PDE4C: variants seen among roughly 807,000 people sequenced by gnomAD.
PDE4C encodes phosphodiesterase 4C, also known as 3',5'-cyclic-AMP phosphodiesterase 4C.
In PDE4C, 50 loss-of-function variants were observed where a neutral mutation model predicts 63.9. The ratio of observed to expected loss-of-function variants is 0.78; its 90% CI spans 0.62 to 0.99. The LOEUF is 0.99. Ranked by LOEUF, PDE4C falls within the 50% of genes least tolerant of loss-of-function variation. PDE4C has a pLI of 0.00. For missense variants in PDE4C, 777 were observed against 899.1 expected (o/e 0.86, Z 1.74); for synonymous variants, 377 against 385.1 (o/e 0.98, Z 0.25).
exon 15 of PDE4C, chr19:18,210,631 G>T (rs1310729004): frequency 2.0e-5 from 6 of 300,372 alleles, no homozygotes; most frequent in Non-Finnish European, 3.1e-5. Context: ...TGGACTAGAG[G>T]CTCCAGCAGA....
At chr19:18,251,326 A>G (rs528612444), upstream of PDE4C, among the ~76,000 whole-genome samples, 8 of 151,074 alleles carry the variant, frequency 5.3e-5, no homozygotes, top group South Asian at 1.5e-3. Flanking sequence ...GGGTTTCACC[A>G]TGTTGGCCAG....
chr19:18,213,237 T>C, intron 13 of PDE4C, 131 bp downstream of exon 13: 1 of 695,930 alleles, frequency 1.4e-6, no homozygotes, highest in African/African-American at 1.9e-5. Flanking sequence ...TGAGCCAAGA[T>C]GGCGCCACTG....
chr19:18,237,525 T>C (rs1417982397), upstream of PDE4C, among the ~76,000 whole-genome samples: 2 of 151,672 alleles, frequency 1.3e-5, no homozygotes, highest in Non-Finnish European at 2.9e-5. Context: ...CACTCCAGCC[T>C]GGGCAACAAG....
chr19:18,220,793 G>A lies in PDE4C; in HGVS notation c.499+81C>T. 7.3e-7 allele frequency: 1 copy of A among 1,366,348 alleles called. No individual in the cohort carries two copies. Among genetic ancestry groups the A allele is most frequent in the Non-Finnish European group, 1.0e-6 (1 of 969,940 alleles). 84.6% of individuals were successfully genotyped at this position (1,366,348 alleles called of 1,614,324 possible). A position where few individuals can be genotyped will look rare whatever the true frequency, so the allele number is the denominator to read the frequency against. The stretch of plus-strand genomic sequence containing the variant: ...GGCTACAATTAGCCCCAGTATAAGG[G>A]GCTCATGGACTGGGGAGGTCACTAT... On this transcript the variant is annotated intron_variant, in intron 5 of 14. Coordinates refer to ENST00000262805, the Ensembl canonical transcript of PDE4C. The surrounding 1 kb of genome is among the most constrained non-coding windows in gnomAD (Gnocchi z 5.1).
At chr19:18,210,734 A>T in exon 15 of PDE4C, 1 of 867,190 alleles carries the variant, frequency 1.2e-6, no homozygotes, top group Non-Finnish European at 1.6e-6. Context: ...AGGCAAGTCT[A>T]GGGTCAGAGT....
upstream of PDE4C, among the ~76,000 whole-genome samples, chr19:18,248,796 G>A (rs1158426438): frequency 6.6e-5 from 10 of 151,048 alleles, no homozygotes; most frequent in Non-Finnish European, 1.5e-5. Flanking sequence ...AGGCGGAGGC[G>A]GGTGGATCAC....
At chr19:18,226,249 A>G in intron 1 of PDE4C, 21 bp downstream of exon 1, 2 of 1,544,826 alleles carry the variant, frequency 1.3e-6, no homozygotes, top group Non-Finnish European at 1.7e-6. Flanking sequence ...TGACCCCGCC[A>G]GGCCCTCTGT....
At position 18,220,010 on chromosome 19, in the gene PDE4C, G is replaced by A. The variant is rs1001307378; in HGVS notation, c.706+216C>T. ...TCTGGTTCCCTCCATCTCCTCCTAG[G>A]CAAATTTCTACTCATGCTTCAAAAC... On this transcript the variant is annotated intron_variant, in intron 7 of 14. Transcript: ENST00000262805. The surrounding 1 kb of genome is among the most constrained non-coding windows in gnomAD (Gnocchi z 5.1). Among the ~76,000 whole-genome samples the A allele has an allele frequency of 6.6e-6, 1 of 151,916 alleles. No homozygotes were observed. Among genetic ancestry groups the A allele is most frequent in the African/African-American group, 2.4e-5 (1 of 41,336 alleles).
chr19:18,221,056 ACCTTGTCTCT>A, intron 4 of PDE4C, 39 bp downstream of exon 4: 2 of 740,048 alleles, frequency 2.7e-6, no homozygotes, highest in Non-Finnish European at 3.8e-6. Context: ...CTTTCCGCCC[ACCTTGTCTCT>A]GCCGGCCCCG....
At chr19:18,244,278 AC>A (rs1969092110) in intron 1 of PDE4C, among the ~76,000 whole-genome samples, 1 of 145,450 alleles carries the variant, frequency 6.9e-6, no homozygotes, top group South Asian at 2.2e-4. Flanking sequence ...ACCCTGAGCT[AC>A]CTCCCCTTTT....
At chr19:18,218,455 A>G in exon 10 of PDE4C, 3 of 1,614,202 alleles carry the variant, frequency 1.9e-6, no homozygotes, top group Non-Finnish European at 1.7e-6. Context: ...GTAGGTGGCC[A>G]GTGTGTCTGC....
At position 18,216,902 on chromosome 19, in the gene PDE4C, G is replaced by C. The variant is rs749452175; in HGVS notation, c.1235-7C>G. The C allele has an allele frequency of 2.5e-6, 4 of 1,606,520 alleles. No individual in the cohort carries two copies. The highest frequency in any genetic ancestry group is 2.6e-6 in the Non-Finnish European group (3 of 1,175,886). Reference sequence around the variant, plus strand: ...ATAAGCGCCAGCTCTGAGTCTGTGAGGGTATGGGACTGAGAGCCCCAAGAT... The same window carrying C: ...ATAAGCGCCAGCTCTGAGTCTGTGACGGTATGGGACTGAGAGCCCCAAGAT... On this transcript the variant is annotated splice_polypyrimidine_tract_variant and splice_region_variant and intron_variant, in intron 11 of 14. Coordinates refer to ENST00000262805, the Ensembl canonical transcript of PDE4C.
intron 12 of PDE4C, 119 bp from the exon 13 acceptor site, chr19:18,213,609 C>G (rs1467156096): frequency 1.8e-6 from 2 of 1,113,414 alleles, no homozygotes; most frequent in East Asian, 5.6e-5. Flanking sequence ...GCATACTCAT[C>G]TGTGAAATGG....
chr19:18,208,088 T>G (rs1967761997), downstream of PDE4C: 1 of 152,202 alleles, frequency 6.6e-6, no homozygotes, highest in African/African-American at 2.4e-5. Context: ...AAAAATTCCC[T>G]AAATATCTTC....
chr19:18,248,642 G>A (rs1969179744), upstream of PDE4C, among the ~76,000 whole-genome samples: 1 of 152,142 alleles, frequency 6.6e-6, no homozygotes, highest in Non-Finnish European at 1.5e-5. Context: ...CTGCTTCCAA[G>A]CAGAGCCCAT....
chr19:18,221,055 C>CCCCCCCCCCCCCCCCCCCCCCCA, intron 4 of PDE4C, 50 bp downstream of exon 4: 1 of 763,412 alleles, frequency 1.3e-6, no homozygotes, highest in Non-Finnish European at 1.8e-6. Context: ...GCTTTCCGCC[C>CCCCCCCCCCCCCCCCCCCCCCCA]ACCTTGTCTC....
At chr19:18,240,346 T>C (rs1969015530) in intron 1 of PDE4C, among the ~76,000 whole-genome samples, 1 of 146,782 alleles carries the variant, frequency 6.8e-6, no homozygotes, top group African/African-American at 2.5e-5. Context: ...GAGGATTGTT[T>C]GAGCCCAGGA....
chr19:18,240,814 G>A (rs931447382), intron 1 of PDE4C, among the ~76,000 whole-genome samples: 4 of 152,208 alleles, frequency 2.6e-5, no homozygotes, highest in Non-Finnish European at 4.4e-5. Flanking sequence ...AAGAGGGTGC[G>A]GAGAACGGAT....
At chr19:18,216,800 T>C (rs544479457) in exon 12 of PDE4C, 2 of 1,614,096 alleles carry the variant, frequency 1.2e-6, no homozygotes, top group Admixed American at 1.7e-5. Context: ...TTCTGGAAGA[T>C]ATCGCAGTTC....
Sources: allele counts gnomAD v4.1 joint callset (sites outside exome capture counted in the v4.1 genomes callset), GRCh38; gene constraint gnomAD v4.1.1; non-coding constraint Gnocchi (gnomAD v3.1); transcripts MANE v1.5; gene names NCBI Gene and HGNC (gene_info 2026-07-23, HGNC 2026-07-21).